The following SUGCT variants were observed in gnomAD, a reference collection of about 807,000 sequenced individuals.
SUGCT encodes succinyl-CoA:glutarate CoA-transferase.
SUGCT carries 41 observed loss-of-function variants against 55.0 expected under a neutral mutation model. The ratio of observed to expected loss-of-function variants is 0.74; its 90% confidence interval spans 0.58 to 0.97. The LOEUF (loss-of-function observed/expected upper bound fraction) is 0.97. SUGCT is among the 50% of genes least tolerant of loss of function. SUGCT has a pLI of 0.00. For missense variants in SUGCT, 568 were observed against 547.8 expected (o/e 1.04, Z -0.37); for synonymous variants, 187 against 200.4 (o/e 0.93, Z 0.56).
intron 13 of SUGCT, among the ~76,000 whole-genome samples, chr7:40,820,119 C>T (rs144707291): frequency 1.2e-3 from 189 of 152,224 alleles, no homozygotes; most frequent in African/African-American, 4.3e-3. Flanking sequence ...TTCCATTGGC[C>T]TATATCTCTG....
intron 9 of SUGCT, among the ~76,000 whole-genome samples, chr7:40,358,752 A>ACAACAC (rs1363930300): frequency 1.3e-5 from 2 of 151,966 alleles, no homozygotes; most frequent in South Asian, 4.2e-4. Flanking sequence ...AACAACAACA[A>ACAACAC]CACTACTATT....
intron 12 of SUGCT, among the ~76,000 whole-genome samples, chr7:40,634,463 A>G (rs1403848851): frequency 6.6e-6 from 1 of 152,232 alleles, no homozygotes; most frequent in East Asian, 1.9e-4. Context: ...TCCCACAGGA[A>G]CTGGAACTAT....
intron 12 of SUGCT, among the ~76,000 whole-genome samples, chr7:40,509,495 G>T (rs566194219): frequency 6.6e-6 from 1 of 152,034 alleles, no homozygotes; most frequent in Non-Finnish European, 1.5e-5. Context: ...TCCCTCTTTT[G>T]TCACTGCTGC....
At chr7:40,757,086 C>T (rs1306637193) in intron 13 of SUGCT, among the ~76,000 whole-genome samples, 1 of 152,070 alleles carries the variant, frequency 6.6e-6, no homozygotes, top group African/African-American at 2.4e-5. Flanking sequence ...AGGTGACTTG[C>T]CATTGAGTGC....
intron 12 of SUGCT, among the ~76,000 whole-genome samples, chr7:40,528,779 C>T (rs1386879416): frequency 1.3e-5 from 2 of 152,136 alleles, no homozygotes; most frequent in African/African-American, 2.4e-5. Flanking sequence ...CTTGATTCCC[C>T]CAACTCGTTA....
intron 9 of SUGCT, among the ~76,000 whole-genome samples, chr7:40,317,767 C>A (rs1374578217): frequency 6.6e-6 from 1 of 152,164 alleles, no homozygotes; most frequent in Non-Finnish European, 1.5e-5. Context: ...TTGGGCAAAA[C>A]TAGTTTCTTT....
the SUGCT span, among the ~76,000 whole-genome samples, chr7:40,957,849 G>T: frequency 6.6e-6 from 1 of 152,078 alleles, no homozygotes; most frequent in Non-Finnish European, 1.5e-5. Context: ...CTCTTGTAAG[G>T]CAGGCCTGGT....
intron 12 of SUGCT, among the ~76,000 whole-genome samples, chr7:40,703,856 C>T (rs1233893924): frequency 2.0e-5 from 3 of 152,170 alleles, no homozygotes; most frequent in African/African-American, 4.8e-5. Flanking sequence ...ATGTGGTCCC[C>T]ATGTTCTATG....
At chr7:40,376,699 T>A (rs1020975880) in intron 9 of SUGCT, among the ~76,000 whole-genome samples, 3 of 152,042 alleles carry the variant, frequency 2.0e-5, no homozygotes, top group African/African-American at 7.2e-5. Context: ...GCCTATCTAA[T>A]ATATCTTGAA....
At chr7:40,798,685 T>G (rs1790669185) in intron 13 of SUGCT, among the ~76,000 whole-genome samples, 1 of 152,210 alleles carries the variant, frequency 6.6e-6, no homozygotes, top group Admixed American at 6.5e-5. Flanking sequence ...GTTTCCTTTA[T>G]GCTTTGCGCA....
intron 11 of SUGCT, among the ~76,000 whole-genome samples, chr7:40,477,014 A>G (rs533332577): frequency 3.2e-4 from 48 of 152,210 alleles, no homozygotes; most frequent in Non-Finnish European, 4.4e-4. Flanking sequence ...CAACATTTAA[A>G]CTAGTTTTTG....
chr7:40,747,798 A>T (rs1270416375), intron 12 of SUGCT, among the ~76,000 whole-genome samples: 3 of 152,110 alleles, frequency 2.0e-5, no homozygotes, highest in Non-Finnish European at 4.4e-5. Context: ...TTTTTTAAAT[A>T]AAAAAATGTG....
At chr7:40,247,003 T>C (rs979466192) in intron 7 of SUGCT, among the ~76,000 whole-genome samples, 2 of 152,238 alleles carry the variant, frequency 1.3e-5, no homozygotes, top group Non-Finnish European at 2.9e-5. Context: ...AGTATTCACA[T>C]TGCTATTGAT....
chr7:40,251,611 G>A (rs1397623639), intron 7 of SUGCT, among the ~76,000 whole-genome samples: 2 of 152,226 alleles, frequency 1.3e-5, no homozygotes, highest in African/African-American at 2.4e-5. Flanking sequence ...ATGAAGGTAC[G>A]TGGCAAATCC....
At chr7:40,456,249 C>G (rs945691210) in intron 10 of SUGCT, among the ~76,000 whole-genome samples, 1 of 152,146 alleles carries the variant, frequency 6.6e-6, no homozygotes, top group African/African-American at 2.4e-5. Flanking sequence ...TGGTCTCCAA[C>G]TCTTGACCTC....
At chr7:40,438,328 T>G (rs1788285658) in intron 9 of SUGCT, among the ~76,000 whole-genome samples, 1 of 152,116 alleles carries the variant, frequency 6.6e-6, no homozygotes, top group Admixed American at 6.6e-5. Context: ...TCCCTCTCCT[T>G]TTGTGTCTCC....
chr7:40,619,162 G>A (rs762938356), intron 12 of SUGCT, among the ~76,000 whole-genome samples: 10 of 152,300 alleles, frequency 6.6e-5, no homozygotes, highest in Non-Finnish European at 1.5e-4. Context: ...CCATGGGCAT[G>A]TCTGCTTCTG....
At chr7:40,624,772 AACACAC>A (rs71791486) in intron 12 of SUGCT, among the ~76,000 whole-genome samples, 38,579 of 137,198 alleles carry the variant, frequency 0.28, 5,116 homozygotes, top group African/African-American at 0.35. Context: ...TTTCTGTGCA[AACACAC>A]ACACACACAC....
chr7:40,336,866 G>GAGAAAATTTTAGAT lies in SUGCT; in HGVS notation c.816+20011_816+20012insAGAAAATTTTAGAT, dbSNP rs1218712833. 3.3e-5 allele frequency among the ~76,000 whole-genome samples: 5 copies of GAGAAAATTTTAGAT among 152,240 alleles called. No individual in the cohort carries two copies. The South Asian group carries it at 1.0e-3, about 32-fold the overall frequency. On this transcript the variant is annotated intron_variant, in intron 9 of 13. Transcript: ENST00000335693. ...AGGGTGTCAATTTTAGATCTTTCCT[G>GAGAAAATTTTAGAT]CTTTGTCTTGTGGGCATTTAGTGCT...
Sources: gnomAD v4.1 joint callset for allele counts (sites outside exome capture counted in the v4.1 genomes callset) on GRCh38, gnomAD v4.1.1 for gene constraint, MANE v1.5 for transcripts, NCBI Gene and HGNC (gene_info 2026-07-23, HGNC 2026-07-21) for gene names.